Variants in RBPJ observed in about 807,000 individuals in gnomAD.
The protein encoded by RBPJ is recombining binding protein suppressor of hairless.
Under a neutral mutation model 67.8 loss-of-function variants are expected in RBPJ, and 9 were observed. The ratio of observed to expected loss-of-function variants is 0.13; its 90% CI spans 0.08 to 0.23. The LOEUF (loss-of-function observed/expected upper bound fraction) is 0.23, where lower values mean the gene tolerates loss of function less well. Among genes scored for constraint, RBPJ ranks in the 10% least tolerant of loss-of-function variants. The pLI, the probability that RBPJ is intolerant of heterozygous loss-of-function variation, is 1.00. For missense variants in RBPJ, 305 were observed against 595.6 expected (o/e 0.51, Z 5.08); for synonymous variants, 198 against 203.3 (o/e 0.97, Z 0.22).
chr4:26,188,813 G>A (rs1350547672), intron 1 of RBPJ, among the ~76,000 whole-genome samples: 1 of 152,134 alleles, frequency 6.6e-6, no homozygotes, highest in Non-Finnish European at 1.5e-5. Flanking sequence ...AATAAATTAT[G>A]CATGCATCAT....
At chr4:26,141,473 TTCC>T in the RBPJ span, among the ~76,000 whole-genome samples, 1 of 152,346 alleles carries the variant, frequency 6.6e-6, no homozygotes, top group Admixed American at 6.5e-5. Flanking sequence ...CCAGGAACAC[TTCC>T]TACCCCCAAG....
At chr4:26,302,873 T>G (rs562526494) in intron 1 of RBPJ, among the ~76,000 whole-genome samples, 2 of 152,242 alleles carry the variant, frequency 1.3e-5, no homozygotes, top group Admixed American at 1.3e-4. Flanking sequence ...GGCTGAGGAA[T>G]CTTATCCTTG....
intron 1 of RBPJ, among the ~76,000 whole-genome samples, chr4:26,182,476 T>C (rs751164245): frequency 2.0e-5 from 3 of 151,952 alleles, no homozygotes; most frequent in Non-Finnish European, 4.4e-5. Flanking sequence ...CTTTTTCATT[T>C]ATTTTTACTT....
intron 3 of RBPJ, among the ~76,000 whole-genome samples, chr4:26,414,863 G>A (rs1034556596): frequency 4.6e-5 from 7 of 152,146 alleles, no homozygotes; most frequent in Admixed American, 1.3e-4. Context: ...TATCTACAGC[G>A]CACCAGGTGT....
the RBPJ span, among the ~76,000 whole-genome samples, chr4:26,127,602 T>C: frequency 2.0e-5 from 3 of 152,156 alleles, 1 homozygote; most frequent in African/African-American, 7.2e-5. Context: ...TATATCAGCA[T>C]AAAGTGGGTG....
At chr4:26,280,846 CT>C (rs1178801618) in intron 1 of RBPJ, among the ~76,000 whole-genome samples, 17 of 151,568 alleles carry the variant, frequency 1.1e-4, no homozygotes, top group Admixed American at 3.3e-4. Context: ...CTGGATAAAA[CT>C]TTTTTTTTCA....
intron 1 of RBPJ, among the ~76,000 whole-genome samples, chr4:26,263,917 CAGGTTGG>C (rs915665106): frequency 6.6e-5 from 10 of 151,150 alleles, no homozygotes; most frequent in Non-Finnish European, 1.3e-4. Flanking sequence ...CTCTGTCCCC[CAGGTTGG>C]AGTGCAGCCG....
the RBPJ span, among the ~76,000 whole-genome samples, chr4:26,147,501 G>C: frequency 6.6e-6 from 1 of 152,236 alleles, no homozygotes; most frequent in Non-Finnish European, 1.5e-5. Context: ...AAGTGGCAGA[G>C]CCTCGGTCAC....
upstream of RBPJ, chr4:26,319,915 C>T (rs764299199): frequency 6.3e-7 from 1 of 1,588,068 alleles, no homozygotes; most frequent in Non-Finnish European, 8.6e-7. Flanking sequence ...GGATTCGGGC[C>T]CTTCACCCTG....
chr4:26,340,783 C>T lies in RBPJ; in HGVS notation c.20+19735C>T, dbSNP rs528208516. ...CTGAGGCAGGAGAATCGCTTGAACC[C>T]GGGAGGCGGAGGTTGCAGTGAGCTG... On this transcript the variant is annotated intron_variant, in intron 1 of 10. Coordinates refer to ENST00000355476, the MANE Select transcript of RBPJ (RefSeq NM_015874.6). Among the ~76,000 whole-genome samples the T allele has an allele frequency of 1.1e-4, 17 of 151,190 alleles. No homozygotes were observed. In the East Asian group the frequency reaches 1.8e-3, roughly 16 times the overall value.
intron 1 of RBPJ, among the ~76,000 whole-genome samples, chr4:26,246,821 C>A (rs1719943154): frequency 6.6e-6 from 1 of 152,110 alleles, no homozygotes; most frequent in Non-Finnish European, 1.5e-5. Flanking sequence ...TGGAACAGCT[C>A]AGGGCAGCTG....
In RBPJ at chr4:26,430,598, T is replaced by C. The variant is rs913807961; in HGVS notation, c.1148+76T>C. 107 of 1,525,462 alleles carry C rather than the reference T, an allele frequency of 7.0e-5. No homozygotes were observed. Among genetic ancestry groups the C allele is most frequent in the Admixed American group, 2.9e-4 (16 of 55,480 alleles). The allele number at this position is 1,525,462 out of a possible 1,614,324, so 94.5% of individuals were successfully genotyped here. On this transcript the variant is annotated intron_variant, in intron 10 of 10. Coordinates refer to ENST00000355476, the MANE Select transcript of RBPJ (RefSeq NM_015874.6). The surrounding 1 kb of genome is among the most constrained non-coding windows in gnomAD (Gnocchi z 4.1). ...ACAGGAGATTCTTTCCTGGCACTGATTGTAATGTATTAAACAACCTTGTGT... is the reference window on the plus strand; with the variant it reads ...ACAGGAGATTCTTTCCTGGCACTGACTGTAATGTATTAAACAACCTTGTGT...
chr4:26,346,180 G>A (rs890348114), intron 1 of RBPJ, among the ~76,000 whole-genome samples: 14 of 152,292 alleles, frequency 9.2e-5, no homozygotes, highest in African/African-American at 1.4e-4. Context: ...GGACATGCAC[G>A]AGGAGTTCAG....
chr4:26,285,333 T>C (rs1400104984), intron 1 of RBPJ, among the ~76,000 whole-genome samples: 1 of 120,554 alleles, frequency 8.3e-6, no homozygotes, highest in African/African-American at 3.2e-5. Context: ...ATCTGCCACC[T>C]CCATTCAGTT....
rs778887785 is a variant in RBPJ, at chr4:26,420,669, G to A, written c.440G>A (p.Arg147Gln). The A allele has an allele frequency of 1.8e-5, 29 of 1,613,606 alleles. No homozygotes were observed. The highest frequency in any genetic ancestry group is 2.2e-5 in the East Asian group (1 of 44,846). ...GACATTGGTGTGTTCCTCAGCAAGC[G>A]GATAAAAGTCATCTCCAAACCTTCC... Reference protein sequence around the residue: ...SDDIGVFLSKRIKVISKPSKK... With the variant: ...SDDIGVFLSKQIKVISKPSKK... The change falls in exon 5 of 11, where the codon CGG becomes CAG. Residue 147 changes from arginine to glutamine, a missense_variant. Transcript: ENST00000355476.
At chr4:26,179,550 C>T (rs1355140677) in intron 1 of RBPJ, among the ~76,000 whole-genome samples, 4 of 151,830 alleles carry the variant, frequency 2.6e-5, no homozygotes, top group Admixed American at 2.0e-4. Context: ...AGTAGGACAA[C>T]AAACATATGA....
At chr4:26,241,238 C>T (rs1411526795) in intron 1 of RBPJ, among the ~76,000 whole-genome samples, 1 of 151,654 alleles carries the variant, frequency 6.6e-6, no homozygotes, top group Non-Finnish European at 1.5e-5. Flanking sequence ...CACTTTCCAC[C>T]ACACAGATAA....
intron 2 of RBPJ, among the ~76,000 whole-genome samples, chr4:26,389,395 TGGATA>T (rs530373830): frequency 3.8e-4 from 57 of 151,464 alleles, no homozygotes; most frequent in Non-Finnish European, 8.1e-4. Flanking sequence ...AACCTTGCTG[TGGATA>T]AGACAGAGCA....
chr4:26,330,450 C>T (rs554922343), intron 1 of RBPJ, among the ~76,000 whole-genome samples: 1 of 152,182 alleles, frequency 6.6e-6, no homozygotes, highest in Non-Finnish European at 1.5e-5. Flanking sequence ...TAGAAACCCA[C>T]GTAGAAACTG....
Sources: gnomAD v4.1 joint callset for allele counts (sites outside exome capture counted in the v4.1 genomes callset) on GRCh38, gnomAD v4.1.1 for gene constraint, Gnocchi (gnomAD v3.1) non-coding constraint, MANE v1.5 for transcripts, NCBI Gene and HGNC (gene_info 2026-07-23, HGNC 2026-07-21) for gene names.